Variants in AAK1 observed in about 807,000 individuals in gnomAD.
AAK1 encodes the protein AP2 associated kinase 1.
In AAK1, 37 loss-of-function variants were observed where a neutral mutation model predicts 116.0. The observed-to-expected ratio is 0.32, with a 90% CI of 0.25 to 0.42. The LOEUF (loss-of-function observed/expected upper bound fraction) is 0.42. AAK1 is among the 10% of genes least tolerant of loss of function. The pLI is 1.00. For missense variants in AAK1, 919 were observed against 1,170.6 expected (o/e 0.79, Z 3.14); for synonymous variants, 458 against 439.9 (o/e 1.04, Z -0.51).
At chr2:69,628,739 A>G (rs1675027455) in intron 2 of AAK1, among the ~76,000 whole-genome samples, 1 of 152,174 alleles carries the variant, frequency 6.6e-6, no homozygotes, top group South Asian at 2.1e-4. Context: ...GGAAGTCTCT[A>G]TGATCTAAAA....
At chr2:69,617,045 A>G (rs1474423043) in intron 2 of AAK1, among the ~76,000 whole-genome samples, 1 of 152,162 alleles carries the variant, frequency 6.6e-6, no homozygotes, top group African/African-American at 2.4e-5. Context: ...CACCTACAAG[A>G]TAGAAGGATG....
intron 2 of AAK1, among the ~76,000 whole-genome samples, chr2:69,576,409 C>T (rs893671366): frequency 2.6e-5 from 4 of 151,640 alleles, no homozygotes; most frequent in African/African-American, 7.3e-5. Context: ...ACTCGTGTCA[C>T]GGGGGTTTGT....
At chr2:69,499,726 C>A (rs72895308) in intron 16 of AAK1, 2 of 151,850 alleles carry the variant, frequency 1.3e-5, no homozygotes, top group Non-Finnish European at 2.9e-5. Flanking sequence ...TAAAACGACA[C>A]AATGAAACAT....
In AAK1 at chr2:69,529,312, A is replaced by T. The variant is rs140761854; in HGVS notation, c.871+696T>A. Among the ~76,000 whole-genome samples, 1,406 of 152,312 alleles carry T rather than the reference A, an allele frequency of 9.2e-3. 18 individuals carry two copies. The highest frequency in any genetic ancestry group is 0.032 in the African/African-American group (1,347 of 41,576). ...TCAATCCATAACAGTTAAAACTTAG[A>T]TGTTAAGAGTCTTGACCAATGTGGA... On this transcript the variant is annotated intron_variant, in intron 8 of 21. Coordinates refer to ENST00000409085, the MANE Select transcript of AAK1 (RefSeq NM_014911.5).
At chr2:69,614,427 C>T (rs550469808) in intron 2 of AAK1, among the ~76,000 whole-genome samples, 2 of 152,262 alleles carry the variant, frequency 1.3e-5, no homozygotes, top group African/African-American at 4.8e-5. Context: ...AGTCCTGCCC[C>T]GTGGAGCTGG....
At chr2:69,510,497 C>T (rs1330988243) in intron 13 of AAK1, among the ~76,000 whole-genome samples, 1 of 152,158 alleles carries the variant, frequency 6.6e-6, no homozygotes, top group Non-Finnish European at 1.5e-5. Flanking sequence ...ATGAATAGTG[C>T]TGCAATGAAC....
At chr2:69,506,601 G>C (rs749140390) in intron 15 of AAK1, among the ~76,000 whole-genome samples, 48 of 152,196 alleles carry the variant, frequency 3.2e-4, no homozygotes, top group Non-Finnish European at 5.0e-4. Flanking sequence ...CTGGGCTCAA[G>C]TGATTCTCTT....
rs139156875 is a variant in AAK1, at chr2:69,480,167, T to C, written c.2569+693A>G. Among the ~76,000 whole-genome samples, 247 of 151,900 alleles carry C rather than the reference T, an allele frequency of 1.6e-3. 3 individuals carry two copies. Among genetic ancestry groups the C allele is most frequent in the African/African-American group, 5.6e-3 (234 of 41,444 alleles). On this transcript the variant is annotated intron_variant, in intron 19 of 21. Coordinates refer to ENST00000409085, the MANE Select transcript of AAK1 (RefSeq NM_014911.5). ...AATGTCTTTGGAGGTAATTTTTTTT[T>C]CACCTGCATGAATTTATCCTCACAT...
At chr2:69,547,690 G>T (rs1670986634) in intron 3 of AAK1, among the ~76,000 whole-genome samples, 1 of 152,148 alleles carries the variant, frequency 6.6e-6, no homozygotes, top group African/African-American at 2.4e-5. Flanking sequence ...TACCAAAACA[G>T]TCTGACAGTT....
rs780951392 is a variant in AAK1 at position 69,475,969 on chromosome 2, A to G, written c.2792-6T>C. On this transcript the variant is annotated splice_region_variant and splice_polypyrimidine_tract_variant and intron_variant, in intron 21 of 21. Coordinates refer to ENST00000409085, the MANE Select transcript of AAK1 (RefSeq NM_014911.5). Reference sequence around the variant, plus strand: ...GCTGTTTCTAGAGTGCCCACCTGGAAGTGGAGAGATAGGAATTCAGTACAA... The same window carrying G: ...GCTGTTTCTAGAGTGCCCACCTGGAGGTGGAGAGATAGGAATTCAGTACAA... 1 of 1,609,374 alleles carries G rather than the reference A, an allele frequency of 6.2e-7. No individual in the cohort carries two copies. Among genetic ancestry groups the G allele is most frequent in the East Asian group, 2.2e-5 (1 of 44,712 alleles).
chr2:69,539,139 T>C (rs1331957706), intron 5 of AAK1, among the ~76,000 whole-genome samples: 1 of 151,924 alleles, frequency 6.6e-6, no homozygotes, highest in South Asian at 2.1e-4. Flanking sequence ...GAGAGGCTAG[T>C]GATTTGAGAA....
At chr2:69,621,177 G>A (rs1034359826) in intron 2 of AAK1, among the ~76,000 whole-genome samples, 6 of 152,198 alleles carry the variant, frequency 3.9e-5, no homozygotes, top group African/African-American at 1.4e-4. Flanking sequence ...GTAGAGTCGA[G>A]TGGTAGGAGT....
At chr2:69,507,262 C>T (rs915961853) in intron 15 of AAK1, among the ~76,000 whole-genome samples, 159 bp downstream of exon 15, 4 of 152,230 alleles carry the variant, frequency 2.6e-5, no homozygotes, top group African/African-American at 9.6e-5. Flanking sequence ...TAAAAACTGA[C>T]TTGTATGCAT....
intron 2 of AAK1, among the ~76,000 whole-genome samples, chr2:69,564,753 T>C (rs1461431499): frequency 1.3e-5 from 2 of 152,168 alleles, no homozygotes; most frequent in Non-Finnish European, 2.9e-5. Context: ...TCTTCTGACA[T>C]GCAGGCTATC....
chr2:69,570,059 CCAA>C (rs1006353546), intron 2 of AAK1, among the ~76,000 whole-genome samples: 1 of 152,050 alleles, frequency 6.6e-6, no homozygotes, highest in African/African-American at 2.4e-5. Context: ...TTTTCTTATA[CCAA>C]CAACGTGATT....
At chr2:69,570,463 C>T (rs1672049815) in intron 2 of AAK1, among the ~76,000 whole-genome samples, 1 of 151,906 alleles carries the variant, frequency 6.6e-6, no homozygotes, top group Admixed American at 6.6e-5. Flanking sequence ...GTTAATCTCT[C>T]CACTAGACAG....
rs115132849 is a variant in AAK1, at chr2:69,547,220, T to C, written c.283-2676A>G. Among the ~76,000 whole-genome samples, 649 of 152,308 alleles carry C rather than the reference T, an allele frequency of 4.3e-3. 8 individuals carry two copies. Among genetic ancestry groups the C allele is most frequent in the African/African-American group, 0.015 (627 of 41,564 alleles). On this transcript the variant is annotated intron_variant, in intron 3 of 21. Transcript: ENST00000409085. ...TTAGATGAGGCAATGGGTTCTTAGA[T>C]ATGACACTTAAAGCTCAAGCAATCA...
chr2:69,464,168 T>G lies in AAK1; in HGVS notation c.*11701A>C, dbSNP rs577793915. ...TTATTTCCATGTCTCAGATTTACAT[T>G]TCCTCAAAAGGCAGTAGAGATTTGG... On this transcript the variant is annotated 3_prime_UTR_variant, in exon 22 of 22. Coordinates refer to ENST00000409085, the MANE Select transcript of AAK1 (RefSeq NM_014911.5). The G allele has an allele frequency of 6.6e-6, 1 of 152,202 alleles. No homozygotes were observed. The allele number at this position is 152,202 out of a possible 1,614,324, so 9.4% of individuals were successfully genotyped here. A position where few individuals can be genotyped will look rare whatever the true frequency, so the allele number is the denominator to read the frequency against.
At chr2:69,612,536 G>A (rs893509501) in intron 2 of AAK1, among the ~76,000 whole-genome samples, 1 of 152,198 alleles carries the variant, frequency 6.6e-6, no homozygotes, top group Non-Finnish European at 1.5e-5. Context: ...ACCAGAAAAC[G>A]ACAACAGTTG....
Sources: allele counts gnomAD v4.1 joint callset (sites outside exome capture counted in the v4.1 genomes callset), GRCh38; gene constraint gnomAD v4.1.1; transcripts MANE v1.5; gene names NCBI Gene and HGNC (gene_info 2026-07-23, HGNC 2026-07-21).